CEP97: variants seen among roughly 807,000 people sequenced by gnomAD.
The protein encoded by CEP97 is centrosomal protein of 97 kDa.
Under a neutral mutation model 73.1 loss-of-function variants are expected in CEP97, and 43 were observed. The observed-to-expected ratio is 0.59, with a 90% CI of 0.46 to 0.76. CEP97 has a LOEUF of 0.76. Ranked by LOEUF, CEP97 falls within the 30% of genes least tolerant of loss-of-function variation. The probability of loss-of-function intolerance (pLI) is 0.00; values close to 1 mark genes in which losing one functional copy is unlikely to be tolerated. For synonymous variants in CEP97, 337 were observed against 370.0 expected (o/e 0.91, Z 1.02); for missense variants, 939 against 1,014.0 (o/e 0.93, Z 1.00).
chr3:101,734,900 G>A (rs187325010), intron 6 of CEP97, among the ~76,000 whole-genome samples: 12 of 152,296 alleles, frequency 7.9e-5, no homozygotes, highest in Admixed American at 2.6e-4. Context: ...ACCTGCTTAC[G>A]ATAGACAGGG....
chr3:101,746,273 A>T (rs916286019), intron 6 of CEP97, among the ~76,000 whole-genome samples: 1 of 152,214 alleles, frequency 6.6e-6, no homozygotes, highest in African/African-American at 2.4e-5. Context: ...CCTGACTTTA[A>T]ACTATACTAC....
chr3:101,765,090 T>G lies in CEP97; in HGVS notation c.2137T>G (p.Ser713Ala). ...FHSSLTEQVH[S>A]LQHSLDFEKS... ...TTCCTCTCTAACAGAACAAGTTCATTCATTGCAGCATTCTTTGGATTTTGA... is the reference window on the plus strand; with the variant it reads ...TTCCTCTCTAACAGAACAAGTTCATGCATTGCAGCATTCTTTGGATTTTGA... Residue 713 changes from serine (S) to alanine (A), a missense_variant, in exon 11 of 11, where the codon TCA becomes GCA. Physicochemically the swap from Ser to Ala is moderately conservative, Grantham distance 99. Transcript: ENST00000341893. The G allele has an allele frequency of 6.2e-7, 1 of 1,614,176 alleles. No individual in the cohort carries two copies. The highest frequency in any genetic ancestry group is 8.5e-7 in the Non-Finnish European group (1 of 1,180,022).
Position 101,757,124 on chromosome 3 carries a change from G to A in CEP97, c.955G>A (p.Val319Ile). 1 of 1,613,296 alleles carries A rather than the reference G, an allele frequency of 6.2e-7. No homozygotes were observed. The highest frequency in any genetic ancestry group is 1.1e-5 in the South Asian group (1 of 90,948). Reference sequence around the variant, plus strand: ...TGAAGAGTTGTCTCCTCTTGTTCCTGTTGAAACAAGGGCATCCCTTATTCC... The same window carrying A: ...TGAAGAGTTGTCTCCTCTTGTTCCTATTGAAACAAGGGCATCCCTTATTCC... ...QNEELSPLVP[V>I]ETRASLIPEH... Residue 319 changes from valine (V) to isoleucine (I), a missense_variant, in exon 8 of 11, where the codon GTT becomes ATT. By Grantham distance (29) the Val-to-Ile change is conservative. Transcript: ENST00000341893.
chr3:101,763,080 A>G lies in CEP97; in HGVS notation c.1893+520A>G, dbSNP rs1366739098. ...ATGATAATTTCTTGAAAATATTTTA[A>G]TAAAATTTTCATTTCTTCTTTTTTA... is the stretch of plus-strand genomic sequence containing the variant. On this transcript the variant is annotated intron_variant, in intron 10 of 10. Coordinates refer to ENST00000341893, the MANE Select transcript of CEP97 (RefSeq NM_024548.4). The G allele has an allele frequency of 3.3e-6, 4 of 1,213,496 alleles. No homozygotes were observed. The Admixed American group carries it at 1.0e-4, about 32-fold the overall frequency. The allele number at this position is 1,213,496 out of a possible 1,614,324, so 75.2% of individuals were successfully genotyped here.
At position 101,769,779 on chromosome 3, in the gene CEP97, CTG is replaced by C. The variant is rs1269965387; in HGVS notation, c.*4230_*4231del. 1 of 152,124 alleles carries C rather than the reference CTG, an allele frequency of 6.6e-6. No homozygotes were observed. 9.4% of individuals were successfully genotyped at this position (152,124 alleles called of 1,614,324 possible). On this transcript the variant is annotated 3_prime_UTR_variant, in exon 11 of 11. Coordinates refer to ENST00000341893, the MANE Select transcript of CEP97 (RefSeq NM_024548.4). ...ATTCATGAAGTGAAGCAGAAAGGGT[CTG>C]TAAGGAACATTCTAAACATTTTTAA...
At chr3:101,728,169 A>G (rs1665342224) in intron 3 of CEP97, among the ~76,000 whole-genome samples, 1 of 152,214 alleles carries the variant, frequency 6.6e-6, no homozygotes, top group Non-Finnish European at 1.5e-5. Flanking sequence ...TTGCAGGGCC[A>G]GAATGTAAAT....
At chr3:101,740,891 A>G (rs894147104) in intron 6 of CEP97, among the ~76,000 whole-genome samples, 1 of 152,120 alleles carries the variant, frequency 6.6e-6, no homozygotes, top group Non-Finnish European at 1.5e-5. Context: ...ACCCGGTCCC[A>G]TTGACTTTCT....
At chr3:101,747,968 TA>T (rs1284736203) in intron 6 of CEP97, among the ~76,000 whole-genome samples, 3 of 149,332 alleles carry the variant, frequency 2.0e-5, no homozygotes, top group Non-Finnish European at 4.5e-5. Flanking sequence ...AAAAAAAAAA[TA>T]AAAAATGAAA....
intron 6 of CEP97, among the ~76,000 whole-genome samples, chr3:101,739,996 T>A (rs1035761289): frequency 2.6e-5 from 4 of 152,050 alleles, no homozygotes; most frequent in Admixed American, 2.6e-4. Context: ...GAGCTATTTA[T>A]GACAAACCCA....
At chr3:101,738,684 A>G (rs1938356653) in intron 6 of CEP97, among the ~76,000 whole-genome samples, 1 of 152,244 alleles carries the variant, frequency 6.6e-6, no homozygotes, top group African/African-American at 2.4e-5. Context: ...CATTTAAAGC[A>G]GTGTGTAGAG....
rs537757445 is a variant in CEP97, at chr3:101,733,630, A to T, written c.728+976A>T. On this transcript the variant is annotated intron_variant, in intron 6 of 10. Coordinates refer to ENST00000341893, the MANE Select transcript of CEP97 (RefSeq NM_024548.4). Reference sequence around the variant, plus strand: ...ACTGCAAGCTCCGCCTCCCGGGTTCACGCCATTCTCCTGCCTCAGCCTCCC... The same window carrying T: ...ACTGCAAGCTCCGCCTCCCGGGTTCTCGCCATTCTCCTGCCTCAGCCTCCC... 9.6e-3 allele frequency among the ~76,000 whole-genome samples: 1,445 copies of T among 150,706 alleles called. 20 individuals carry two copies. Among genetic ancestry groups the T allele is most frequent in the African/African-American group, 0.033 (1,370 of 41,146 alleles).
intron 6 of CEP97, among the ~76,000 whole-genome samples, chr3:101,738,634 A>G (rs1938355229): frequency 6.6e-6 from 1 of 152,242 alleles, no homozygotes; most frequent in South Asian, 2.1e-4. Flanking sequence ...TTTTGAAACC[A>G]ATGAGAACAA....
intron 9 of CEP97, chr3:101,758,782 A>G (rs1939092486): frequency 5.2e-6 from 1 of 193,024 alleles, no homozygotes; most frequent in African/African-American, 2.4e-5. Flanking sequence ...AATTCAGTAC[A>G]TGACATAAGA....
intron 6 of CEP97, among the ~76,000 whole-genome samples, chr3:101,737,087 TATCAG>T (rs1938303321): frequency 1.3e-5 from 2 of 152,152 alleles, no homozygotes; most frequent in Non-Finnish European, 2.9e-5. Context: ...GAAGCAAGGA[TATCAG>T]AGATTGAAGA....
intron 9 of CEP97, among the ~76,000 whole-genome samples, chr3:101,761,290 G>T (rs1939169065): frequency 6.6e-6 from 1 of 152,304 alleles, no homozygotes; most frequent in Non-Finnish European, 1.5e-5. Flanking sequence ...GGAAGTAGTG[G>T]TTGGTGTTGG....
chr3:101,758,660 A>G, intron 9 of CEP97: 5 of 505,830 alleles, frequency 9.9e-6, no homozygotes, highest in Non-Finnish European at 1.8e-5. Flanking sequence ...GTGTAGTAAT[A>G]AATGTTCAAT....
intron 6 of CEP97, among the ~76,000 whole-genome samples, chr3:101,740,210 G>C (rs1167210582): frequency 2.0e-5 from 3 of 152,162 alleles, no homozygotes; most frequent in Admixed American, 6.6e-5. Context: ...TGACATGATT[G>C]TATATTTGGA....
In CEP97 at chr3:101,762,847, C is replaced by G. The variant is rs1449877615; in HGVS notation, c.1893+287C>G. 2.0e-5 allele frequency among the ~76,000 whole-genome samples: 3 copies of G among 152,146 alleles called. No individual in the cohort carries two copies. The East Asian group carries it at 5.8e-4, about 29-fold the overall frequency. ...TAGAGCTTTCCAATAGATACAACAA[C>G]CCCAATTTGAAATTTCATGTAGCTA... On this transcript the variant is annotated intron_variant, in intron 10 of 10. Coordinates refer to ENST00000341893, the MANE Select transcript of CEP97 (RefSeq NM_024548.4).
intron 6 of CEP97, among the ~76,000 whole-genome samples, chr3:101,750,088 G>GA (rs1277282478): frequency 2.3e-4 from 32 of 141,974 alleles, no homozygotes; most frequent in Non-Finnish European, 4.1e-4. Context: ...GTCCTGAATG[G>GA]TAATGCCTAG....
Sources: gnomAD v4.1 joint callset for allele counts (sites outside exome capture counted in the v4.1 genomes callset) on GRCh38, gnomAD v4.1.1 for gene constraint, MANE v1.5 for transcripts, NCBI Gene and HGNC (gene_info 2026-07-23, HGNC 2026-07-21) for gene names.